Variants in SEMA6D observed in about 807,000 individuals in gnomAD.
SEMA6D encodes semaphorin 6D, also known as semaphorin-6D.
SEMA6D carries 35 observed loss-of-function variants against 106.6 expected under a neutral mutation model. The observed-to-expected ratio is 0.33, with a 90% CI of 0.25 to 0.44. The LOEUF (loss-of-function observed/expected upper bound fraction) is 0.44, where lower values mean the gene tolerates loss of function less well. SEMA6D is among the 20% of genes least tolerant of loss of function. The pLI is 1.00. For missense variants in SEMA6D, 1,185 were observed against 1,345.9 expected (o/e 0.88, Z 1.87); for synonymous variants, 499 against 487.7 (o/e 1.02, Z -0.31).
chr15:47,193,104 C>T (rs1028712925), intron 1 of SEMA6D, among the ~76,000 whole-genome samples: 8 of 152,300 alleles, frequency 5.3e-5, no homozygotes, highest in African/African-American at 1.9e-4. Flanking sequence ...GGCCATATTG[C>T]ATGGTGTTTG....
chr15:47,472,079 A>C (rs2042866985), intron 3 of SEMA6D, among the ~76,000 whole-genome samples: 1 of 152,140 alleles, frequency 6.6e-6, no homozygotes, highest in Non-Finnish European at 1.5e-5. Flanking sequence ...AGGTTAAGTG[A>C]GATCAGCAAA....
At chr15:47,346,100 T>C (rs914760305) in intron 1 of SEMA6D, among the ~76,000 whole-genome samples, 2 of 152,156 alleles carry the variant, frequency 1.3e-5, no homozygotes, top group African/African-American at 2.4e-5. Flanking sequence ...CTATGTCAGA[T>C]TTAGAGTTTC....
intron 1 of SEMA6D, among the ~76,000 whole-genome samples, chr15:47,394,930 C>G (rs1241275818): frequency 6.6e-6 from 1 of 151,406 alleles, no homozygotes; most frequent in Non-Finnish European, 1.5e-5. Flanking sequence ...TAGGGTAATT[C>G]TTCACTTCCC....
chr15:47,223,822 C>G (rs1418379366), intron 1 of SEMA6D, among the ~76,000 whole-genome samples: 1 of 152,004 alleles, frequency 6.6e-6, no homozygotes, highest in Non-Finnish European at 1.5e-5. Context: ...ATTTGAATTC[C>G]TCTTTTTATT....
intron 4 of SEMA6D, among the ~76,000 whole-genome samples, chr15:47,700,176 G>A (rs1271397441): frequency 6.6e-6 from 1 of 152,180 alleles, no homozygotes; most frequent in African/African-American, 2.4e-5. Context: ...TGGATAGGAA[G>A]ACAATATAGT....
At chr15:47,356,199 G>A (rs1472310685) in intron 1 of SEMA6D, among the ~76,000 whole-genome samples, 1 of 152,156 alleles carries the variant, frequency 6.6e-6, no homozygotes, top group Non-Finnish European at 1.5e-5. Flanking sequence ...GATGGCAAGA[G>A]ACAAAATAAG....
chr15:47,701,842 G>T (rs1566998617), intron 4 of SEMA6D, among the ~76,000 whole-genome samples: 1 of 152,022 alleles, frequency 6.6e-6, no homozygotes, highest in Non-Finnish European at 1.5e-5. Flanking sequence ...GGTTCTTCAG[G>T]CACAGTACTG....
At chr15:47,750,023 A>C (rs924114188) in intron 1 of SEMA6D, among the ~76,000 whole-genome samples, 6 of 152,148 alleles carry the variant, frequency 3.9e-5, no homozygotes, top group African/African-American at 1.4e-4. Context: ...TTTGGCAATT[A>C]GGTGGTTGAT....
intron 14 of SEMA6D, 43 bp downstream of exon 14, chr15:47,766,052 G>A (rs368820468): frequency 1.5e-4 from 234 of 1,612,232 alleles, no homozygotes; most frequent in Non-Finnish European, 1.9e-4. Context: ...TTGCAGTATC[G>A]AAACCTTTGT....
intron 1 of SEMA6D, among the ~76,000 whole-genome samples, chr15:47,749,206 C>T (rs538697908): frequency 3.3e-5 from 5 of 151,362 alleles, no homozygotes; most frequent in South Asian, 2.1e-4. Flanking sequence ...CTCAGCCTTC[C>T]GAGTAGCTGG....
At chr15:47,646,433 T>C (rs1313985813) in intron 4 of SEMA6D, among the ~76,000 whole-genome samples, 1 of 152,186 alleles carries the variant, frequency 6.6e-6, no homozygotes, top group Non-Finnish European at 1.5e-5. Context: ...TCTCCATTTT[T>C]AAATAAGAAA....
rs142397320 is a variant in SEMA6D, at chr15:47,503,689, T to TCACACACACA, written c.-87+33163_-87+33172dup. 9.5e-3 allele frequency among the ~76,000 whole-genome samples: 1,410 copies of TCACACACACA among 148,676 alleles called. 17 individuals carry two copies. Among genetic ancestry groups the TCACACACACA allele is most frequent in the Admixed American group, 0.028 (417 of 14,968 alleles). ...TGCAGGGGTGCTCTCTCTCTCTCTG[T>TCACACACACA]CACACACACACACACACACACACAC... On this transcript the variant is annotated intron_variant, in intron 3 of 19. Transcript: ENST00000558014.
Position 47,768,700 on chromosome 15 carries a change from G to A in SEMA6D, c.1885G>A (p.Asp629Asn). Residue 629 changes from aspartate to asparagine, a missense_variant, in exon 18 of 19, where the codon GAT (aspartate) becomes AAT (asparagine). Around this residue, in one of 3 missense-constraint regions of SEMA6D, gnomAD observed 750 missense variants for 783.5 expected, o/e 0.96. Transcript: ENST00000536845. The stretch of plus-strand genomic sequence containing the variant: ...CTCTCGGAAATTTGTAGTTCAAGAT[G>A]ATCCAAACACTTCTGATTTTACTGA... ...TSSRKFVVQD[D>N]PNTSDFTDPL... The A allele has an allele frequency of 6.2e-7, 1 of 1,613,544 alleles. No homozygotes were observed.
At chr15:47,231,298 T>G (rs984106403) in intron 1 of SEMA6D, among the ~76,000 whole-genome samples, 2 of 152,008 alleles carry the variant, frequency 1.3e-5, no homozygotes, top group African/African-American at 4.8e-5. Context: ...AATTTTATTT[T>G]CAGCACACCA....
At chr15:47,492,195 TAAAC>T (rs1236383313) in intron 3 of SEMA6D, among the ~76,000 whole-genome samples, 3 of 152,120 alleles carry the variant, frequency 2.0e-5, no homozygotes, top group African/African-American at 7.2e-5. Context: ...GACATGAAGT[TAAAC>T]AAAGTGAAAG....
At chr15:47,679,979 G>A (rs532966888) in intron 4 of SEMA6D, among the ~76,000 whole-genome samples, 17 of 152,234 alleles carry the variant, frequency 1.1e-4, no homozygotes, top group Non-Finnish European at 2.1e-4. Flanking sequence ...CATGCTAAGG[G>A]TTAAGGGTCT....
chr15:47,498,329 G>A (rs1464412842), intron 3 of SEMA6D, among the ~76,000 whole-genome samples: 1 of 152,094 alleles, frequency 6.6e-6, no homozygotes, highest in African/African-American at 2.4e-5. Flanking sequence ...TTATGAACCA[G>A]CCTGAAGCAA....
At chr15:47,718,143 C>T (rs1035433497) in intron 1 of SEMA6D, among the ~76,000 whole-genome samples, 3 of 152,224 alleles carry the variant, frequency 2.0e-5, no homozygotes, top group South Asian at 2.1e-4. Flanking sequence ...GGGGTTGCTT[C>T]TCTGCCGGGC....
chr15:47,611,255 C>T (rs554252320), intron 4 of SEMA6D, among the ~76,000 whole-genome samples: 22 of 151,966 alleles, frequency 1.4e-4, no homozygotes, highest in African/African-American at 5.1e-4. Context: ...GCTACAGATA[C>T]CAGTCTTTAC....
Sources: allele counts gnomAD v4.1 joint callset (sites outside exome capture counted in the v4.1 genomes callset), GRCh38; gene constraint gnomAD v4.1.1; regional missense constraint gnomAD v4.1.1; transcripts MANE v1.5; gene names NCBI Gene and HGNC (gene_info 2026-07-23, HGNC 2026-07-21).